The following RNF6 variants were observed in gnomAD, a reference collection of about 807,000 sequenced individuals.
RNF6 encodes the protein ring finger protein 6.
A neutral mutation model predicts 50.1 loss-of-function variants in RNF6; 21 were observed. That is an observed-to-expected ratio of 0.42 (90% CI 0.30 to 0.60). The LOEUF is 0.60. RNF6 is among the 20% of genes least tolerant of loss of function. The pLI, the probability that RNF6 is intolerant of heterozygous loss-of-function variation, is 0.20. For synonymous variants in RNF6, 255 were observed against 291.8 expected, an observed-to-expected ratio of 0.87 and a Z score of 1.29; for missense variants, 698 against 838.2, an observed-to-expected ratio of 0.83 and a Z score of 2.07.
chr13:26,162,660 C>T (rs903329915), intron 5 of RNF6, among the ~76,000 whole-genome samples: 1 of 152,216 alleles, frequency 6.6e-6, no homozygotes, highest in Non-Finnish European at 1.5e-5. Flanking sequence ...CCCAAGCCCA[C>T]AAGTCCCAAC....
intron 5 of RNF6, among the ~76,000 whole-genome samples, chr13:26,145,806 A>G (rs1377266925): frequency 3.9e-5 from 6 of 152,176 alleles, no homozygotes; most frequent in Non-Finnish European, 5.9e-5. Context: ...CTATTTTCCT[A>G]GGTAGAATGG....
chr13:26,149,566 A>G (rs1195638244), intron 5 of RNF6, among the ~76,000 whole-genome samples: 1 of 151,972 alleles, frequency 6.6e-6, no homozygotes. Context: ...CAGCCTGGGC[A>G]ACAGGGTGAG....
intron 5 of RNF6, among the ~76,000 whole-genome samples, chr13:26,174,254 G>T (rs1269810241): frequency 6.6e-6 from 1 of 152,158 alleles, no homozygotes; most frequent in Non-Finnish European, 1.5e-5. Flanking sequence ...CAAGAGTCTG[G>T]AATGAAAGAG....
downstream of RNF6, among the ~76,000 whole-genome samples, chr13:26,207,998 A>G (rs764708890): frequency 2.6e-5 from 4 of 152,250 alleles, no homozygotes; most frequent in African/African-American, 4.8e-5. Context: ...GCTGAATTTG[A>G]GGTTCCAAAG....
chr13:26,172,324 C>A (rs1363324669), intron 5 of RNF6, among the ~76,000 whole-genome samples: 1 of 152,080 alleles, frequency 6.6e-6, no homozygotes, highest in African/African-American at 2.4e-5. Flanking sequence ...AAATACATCC[C>A]AGATACGCTA....
chr13:26,143,133 C>G (rs776152427), intron 5 of RNF6, among the ~76,000 whole-genome samples: 5 of 152,152 alleles, frequency 3.3e-5, no homozygotes, highest in Non-Finnish European at 4.4e-5. Context: ...GGTTCTCTTT[C>G]TGGTAGACTG....
At chr13:26,168,187 A>G (rs569188406) in intron 5 of RNF6, among the ~76,000 whole-genome samples, 28 of 152,330 alleles carry the variant, frequency 1.8e-4, no homozygotes, top group African/African-American at 6.5e-4. Flanking sequence ...ACATGTACCT[A>G]TGAACCTAAA....
At chr13:26,203,276 G>A (rs1408220375) in intron 5 of RNF6, among the ~76,000 whole-genome samples, 25 of 152,220 alleles carry the variant, frequency 1.6e-4, no homozygotes. Flanking sequence ...ATTTAACCTG[G>A]AGAAGGGAAA....
chr13:26,222,665 T>C (rs1459845511), upstream of RNF6: 1 of 152,326 alleles, frequency 6.6e-6, no homozygotes. Flanking sequence ...TGTCTGTCTA[T>C]CTCTATTTGA....
intron 5 of RNF6, among the ~76,000 whole-genome samples, chr13:26,195,692 TAGC>T (rs1438385483): frequency 6.6e-6 from 1 of 152,164 alleles, no homozygotes; most frequent in Non-Finnish European, 1.5e-5. Context: ...AATTAGTAAA[TAGC>T]AGTTATAATT....
chr13:26,192,089 C>G (rs1868486557), intron 5 of RNF6, among the ~76,000 whole-genome samples: 2 of 152,080 alleles, frequency 1.3e-5, no homozygotes, highest in Admixed American at 6.6e-5. Context: ...GAGAGATAGC[C>G]GGGGATGAGA....
intron 5 of RNF6, among the ~76,000 whole-genome samples, chr13:26,181,587 A>T (rs1873246558): frequency 6.6e-6 from 1 of 152,192 alleles, no homozygotes; most frequent in Non-Finnish European, 1.5e-5. Flanking sequence ...GCCTGCATTC[A>T]GTTTCAGAGC....
intron 5 of RNF6, among the ~76,000 whole-genome samples, chr13:26,132,664 A>C (rs1451585415): frequency 6.6e-6 from 1 of 152,244 alleles, no homozygotes; most frequent in African/African-American, 2.4e-5. Context: ...TTTAATAAAA[A>C]GAAAAGAGGT....
intron 5 of RNF6, among the ~76,000 whole-genome samples, chr13:26,167,487 A>G (rs991793985): frequency 1.3e-5 from 2 of 152,204 alleles, no homozygotes; most frequent in African/African-American, 4.8e-5. Context: ...ATGGAAATCA[A>G]AACCATAACG....
chr13:26,201,005 C>T (rs1868876858), intron 5 of RNF6, among the ~76,000 whole-genome samples: 1 of 152,186 alleles, frequency 6.6e-6, no homozygotes, highest in African/African-American at 2.4e-5. Flanking sequence ...TAATTAAAAG[C>T]AGAGACTCTG....
At chr13:26,151,826 G>A (rs1024870579) in intron 5 of RNF6, among the ~76,000 whole-genome samples, 1 of 152,248 alleles carries the variant, frequency 6.6e-6, no homozygotes, top group Non-Finnish European at 1.5e-5. Context: ...TCGCTTACGC[G>A]CTCAATGAAC....
At chr13:26,185,367 A>AAT (rs1166706459) in intron 5 of RNF6, among the ~76,000 whole-genome samples, 3 of 152,276 alleles carry the variant, frequency 2.0e-5, no homozygotes, top group East Asian at 3.9e-4. Flanking sequence ...ATAATACATA[A>AAT]ATATATATAT....
intron 5 of RNF6, among the ~76,000 whole-genome samples, chr13:26,193,652 TGGAA>T (rs556862668): frequency 1.9e-3 from 283 of 151,438 alleles, no homozygotes; most frequent in African/African-American, 6.6e-3. Context: ...GTAAGGTAGT[TGGAA>T]GGGTAAGTAA....
In RNF6 at chr13:26,158,037, C is replaced by A. The variant is rs556484836; in HGVS notation, n.769-25586G>T. ...ATGGATAAATAGATGAATAGATGGACGGATAGCTAGAAAGACAAATGGATG... is the reference window on the plus strand; with the variant it reads ...ATGGATAAATAGATGAATAGATGGAAGGATAGCTAGAAAGACAAATGGATG... On this transcript the variant is annotated intron_variant and non_coding_transcript_variant, in intron 5 of 5. Coordinates refer to the RNF6 transcript ENST00000468480. 1.1e-3 allele frequency among the ~76,000 whole-genome samples: 165 copies of A among 151,452 alleles called. 1 individual carries two copies. The highest frequency in any genetic ancestry group is 2.4e-3 in the Admixed American group (37 of 15,154).
Sources: allele counts gnomAD v4.1 joint callset (sites outside exome capture counted in the v4.1 genomes callset), GRCh38; gene constraint gnomAD v4.1.1; transcripts MANE v1.5; gene names NCBI Gene and HGNC (gene_info 2026-07-23, HGNC 2026-07-21).